DUSP9: variants seen among roughly 807,000 people sequenced by gnomAD.
DUSP9 encodes the protein dual specificity phosphatase 9.
DUSP9 carries 4 observed loss-of-function variants against 13.2 expected under a neutral mutation model. The ratio of observed to expected loss-of-function variants is 0.30; its 90% CI spans 0.15 to 0.69. The LOEUF is 0.69. Ranked by LOEUF, DUSP9 falls within the 30% of genes least tolerant of loss-of-function variation. The pLI is 0.73. For missense variants in DUSP9, 263 were observed against 355.0 expected (o/e 0.74, Z 2.08); for synonymous variants, 166 against 172.3 (o/e 0.96, Z 0.29).
intron 2 of DUSP9, 67 bp from the exon 3 acceptor site, chrX:153,649,164 GC>G (rs1204870414): frequency 9.4e-7 from 1 of 1,059,873 alleles, no homozygotes; most frequent in Non-Finnish European, 1.3e-6. Context: ...CATCTCCCCA[GC>G]CCCAGACAGA....
chrX:153,647,813 A>G, intron 1 of DUSP9, 106 bp from the exon 2 acceptor site: 1 of 685,568 alleles, frequency 1.5e-6, no homozygotes, highest in Middle Eastern at 5.8e-4. Context: ...GGGAGTCCTC[A>G]TGGTGGGGGA....
chrX:153,644,248 G>A (rs1209644671), upstream of DUSP9, among the ~76,000 whole-genome samples: 1 of 97,724 alleles, frequency 1.0e-5, no homozygotes, highest in African/African-American at 3.7e-5. Flanking sequence ...TCCAGGGGGC[G>A]CTGGCCCGGC....
chrX:153,649,258 T>C lies in DUSP9; in HGVS notation c.400T>C (p.Cys134Arg). Residue 134 changes from cysteine to arginine, a missense_variant, in exon 3 of 4, where the codon TGC becomes CGC. By Grantham distance (180) the Cys-to-Arg change is radical. Transcript: ENST00000342782. Reference protein sequence around the residue: ...QGGFSRFQAECPHLCETSLAG... With the variant: ...QGGFSRFQAERPHLCETSLAG... ...AGGCTTCAGCAGATTCCAGGCCGAGTGCCCTCACCTGTGTGAGACCAGCCT... is the reference window on the plus strand; with the variant it reads ...AGGCTTCAGCAGATTCCAGGCCGAGCGCCCTCACCTGTGTGAGACCAGCCT... 8.3e-7 allele frequency: 1 copy of C among 1,210,548 alleles called. No individual in the cohort carries two copies.
Position 153,651,005 on chromosome X carries a change from T to C in DUSP9, c.*700T>C, listed in dbSNP as rs2148324190. 9.0e-6 allele frequency: 1 copy of C among 110,722 alleles called. No homozygotes were observed. Among genetic ancestry groups the C allele is most frequent in the Admixed American group, 9.5e-5 (1 of 10,572 alleles). The allele number at this position is 110,722 out of a possible 1,213,427, so 9.1% of individuals were successfully genotyped here. A position where few individuals can be genotyped will look rare whatever the true frequency, so the allele number is the denominator to read the frequency against. ...GGGAAGAAGAAGGCCTCACTTTTGC[T>C]GCTGCGGGGCCCACACAGCCGCTGC... On this transcript the variant is annotated 3_prime_UTR_variant, in exon 4 of 4. Coordinates refer to ENST00000342782, the MANE Select transcript of DUSP9 (RefSeq NM_001318503.2).
At position 153,649,359 on chromosome X, in the gene DUSP9, G is replaced by A; in HGVS notation, c.501G>A (p.Leu167=). The A allele has an allele frequency of 8.3e-7, 1 of 1,211,093 alleles. No individual in the cohort carries two copies. The highest frequency in any genetic ancestry group is 1.1e-6 in the Non-Finnish European group (1 of 895,558). The change falls in exon 3 of 4, where the codon CTG becomes CTA. Residue 167 remains leucine, a synonymous_variant. Coordinates refer to ENST00000342782, the MANE Select transcript of DUSP9 (RefSeq NM_001318503.2). ...TGGTGGGGTTGGGCAGCCTGTGCCT[G>A]GGCTCCGACTGCTCTGATGCGGAAT... ...VPVVGLGSLC[L]GSDCSDAESE...
upstream of DUSP9, among the ~76,000 whole-genome samples, chrX:153,642,810 C>A (rs890963020): frequency 3.6e-5 from 4 of 110,697 alleles, no homozygotes; most frequent in Non-Finnish European, 7.6e-5. Flanking sequence ...CCTCCCGTGT[C>A]TCCTGCCACT....
chrX:153,647,943 G>A lies in DUSP9; in HGVS notation c.-11G>A. Reference sequence around the variant, plus strand: ...GCGCCCGTGGTCCAGCGTGTAGGGAGCCGATCGCCCATGGAGGGTCTGGGC... The same window carrying A: ...GCGCCCGTGGTCCAGCGTGTAGGGAACCGATCGCCCATGGAGGGTCTGGGC... On this transcript the variant is annotated 5_prime_UTR_variant, in exon 2 of 4. Transcript: ENST00000342782. 9.6e-7 allele frequency: 1 copy of A among 1,045,566 alleles called. No individual in the cohort carries two copies. Among genetic ancestry groups the A allele is most frequent in the South Asian group, 2.7e-5 (1 of 37,519 alleles). 86.2% of individuals were successfully genotyped at this position (1,045,566 alleles called of 1,213,427 possible). A position where few individuals can be genotyped will look rare whatever the true frequency, so the allele number is the denominator to read the frequency against.
chrX:153,650,830 C>T lies in DUSP9; in HGVS notation c.*525C>T, dbSNP rs782598436. On this transcript the variant is annotated 3_prime_UTR_variant, in exon 4 of 4. Transcript: ENST00000342782. ...GGCCTAGGAGCTACTGGGCAGGTTC[C>T]CGGCCACACATCTGGTGGGCTGTTT... The T allele has an allele frequency of 1.8e-5, 2 of 112,520 alleles. No homozygotes were observed. The highest frequency in any genetic ancestry group is 7.4e-4 in the South Asian group (2 of 2,687). The allele number at this position is 112,520 out of a possible 1,213,427, so 9.3% of individuals were successfully genotyped here.
At chrX:153,649,098 G>T (rs2091201206) in intron 2 of DUSP9, 134 bp from the exon 3 acceptor site, 1 of 619,014 alleles carries the variant, frequency 1.6e-6, no homozygotes, top group Non-Finnish European at 2.5e-6. Context: ...ACACCAAGCT[G>T]CTGGGTTTTG....
upstream of DUSP9, among the ~76,000 whole-genome samples, chrX:153,643,132 G>A (rs1352164467): frequency 6.5e-5 from 7 of 108,435 alleles, no homozygotes; most frequent in Admixed American, 5.9e-4. Context: ...CTGGAGCGAG[G>A]TCCCGTCAGA....
upstream of DUSP9, among the ~76,000 whole-genome samples, chrX:153,644,405 G>A (rs1410276345): frequency 2.8e-5 from 3 of 106,868 alleles, no homozygotes; most frequent in African/African-American, 1.0e-4. Flanking sequence ...GGCGCGCGGC[G>A]CGGCCTCCCC....
chrX:153,649,178 C>T (rs2148322444), intron 2 of DUSP9, 54 bp from the exon 3 acceptor site: 1 of 1,127,271 alleles, frequency 8.9e-7, no homozygotes. Flanking sequence ...CAGACAGAGG[C>T]ACTTGGCTGC....
chrX:153,647,849 G>A, intron 1 of DUSP9, 70 bp from the exon 2 acceptor site: 2 of 893,200 alleles, frequency 2.2e-6, no homozygotes, highest in East Asian at 4.3e-5. Flanking sequence ...TTCAGGACGC[G>A]GGGCCGGCTT....
rs1477896954 is a variant in DUSP9 at position 153,650,527 on chromosome X, T to C, written c.*222T>C. 2.5e-6 allele frequency: 1 copy of C among 400,736 alleles called. No homozygotes were observed. Among genetic ancestry groups the C allele is most frequent in the Non-Finnish European group, 4.3e-6 (1 of 231,946 alleles). 33.0% of individuals were successfully genotyped at this position (400,736 alleles called of 1,213,427 possible). A position where few individuals can be genotyped will look rare whatever the true frequency, so the allele number is the denominator to read the frequency against. On this transcript the variant is annotated 3_prime_UTR_variant, in exon 4 of 4. Transcript: ENST00000342782. Reference sequence around the variant, plus strand: ...CGACTGTTACTTTTTCTTTGCGGGATGGGGGTGGGGGTTCCCTCTCCAGGT... The same window carrying C: ...CGACTGTTACTTTTTCTTTGCGGGACGGGGGTGGGGGTTCCCTCTCCAGGT...
chrX:153,650,063 C>T lies in DUSP9; in HGVS notation c.913C>T (p.Leu305Phe), dbSNP rs1405517546. 3 of 1,211,698 alleles carry T rather than the reference C, an allele frequency of 2.5e-6. No homozygotes were observed. The highest frequency in any genetic ancestry group is 3.3e-6 in the Non-Finnish European group (3 of 895,530). Residue 305 changes from leucine to phenylalanine, a missense_variant, in exon 4 of 4, where the codon CTC becomes TTC. Coordinates refer to ENST00000342782, the MANE Select transcript of DUSP9 (RefSeq NM_001318503.2). ...SRSVTVTVAY[L>F]MQKLHLSLND... ...TTCTGTCACCGTCACTGTGGCCTACCTCATGCAGAAGCTCCACCTCTCTCT... is the reference window on the plus strand; with the variant it reads ...TTCTGTCACCGTCACTGTGGCCTACTTCATGCAGAAGCTCCACCTCTCTCT...
rs1452345776 is a variant in DUSP9, at chrX:153,650,193, A to G, written c.1043A>G (p.Glu348Gly). The G allele has an allele frequency of 1.7e-6, 2 of 1,210,666 alleles. No individual in the cohort carries two copies. The highest frequency in any genetic ancestry group is 3.0e-5 in the East Asian group (1 of 33,726). ...LDFERSLRLE[E>G]RHSQEQGSGG... ...TTTGAGCGCAGCTTGCGGCTGGAGGAGCGCCACTCGCAGGAGCAGGGCAGT... is the reference window on the plus strand; with the variant it reads ...TTTGAGCGCAGCTTGCGGCTGGAGGGGCGCCACTCGCAGGAGCAGGGCAGT... The change falls in exon 4 of 4, where the codon GAG (glutamate) becomes GGG (glycine). Residue 348 changes from glutamate (E) to glycine (G), a missense_variant. Glu to Gly is a moderately conservative substitution (Grantham distance 98). Transcript: ENST00000342782.
chrX:153,650,298 CCA>C lies in DUSP9; in HGVS notation c.1150_1151del (p.Thr384LeufsTer35), dbSNP rs782314444. The C allele has an allele frequency of 3.4e-6, 4 of 1,176,472 alleles. No individual in the cohort carries two copies. In the South Asian group the frequency reaches 7.7e-5, roughly 23 times the overall value. On this transcript the variant is annotated frameshift_variant, in exon 4 of 4. Coordinates refer to ENST00000342782, the MANE Select transcript of DUSP9 (RefSeq NM_001318503.2). LOFTEE classifies it high-confidence loss of function. Reference sequence around the variant, plus strand: ...AGTGATGGCGCCTTCGAGCTGGCCCCCACCTAGGGCCCCGTGGCCGGCAGGCC... The same window carrying C: ...AGTGATGGCGCCTTCGAGCTGGCCCCCCTAGGGCCCCGTGGCCGGCAGGCC...
At chrX:153,649,898 G>A in intron 3 of DUSP9, 82 bp from the exon 4 acceptor site, 3 of 1,082,809 alleles carry the variant, frequency 2.8e-6, no homozygotes, top group Non-Finnish European at 2.5e-6. Context: ...GCAGGGCGGG[G>A]CCTTTGAGGG....
intron 1 of DUSP9, chrX:153,647,685 G>T: frequency 4.0e-6 from 1 of 247,951 alleles, no homozygotes. Flanking sequence ...GGAGGCGGCT[G>T]CGACCTCAGG....
Sources: gnomAD v4.1 joint callset for allele counts (sites outside exome capture counted in the v4.1 genomes callset) on GRCh38, gnomAD v4.1.1 for gene constraint, MANE v1.5 for transcripts, NCBI Gene and HGNC (gene_info 2026-07-23, HGNC 2026-07-21) for gene names.